The following HDLBP variants were observed in gnomAD, a reference collection of about 807,000 sequenced individuals.
HDLBP encodes the protein vigilin.
HDLBP carries 30 observed loss-of-function variants against 137.3 expected under a neutral mutation model. The ratio of observed to expected loss-of-function variants is 0.22; its 90% CI spans 0.16 to 0.30. The LOEUF (loss-of-function observed/expected upper bound fraction) is 0.30. HDLBP is among the 10% of genes least tolerant of loss of function. The probability of loss-of-function intolerance (pLI) is 1.00; values close to 1 mark genes in which losing one functional copy is unlikely to be tolerated. For missense variants in HDLBP, 1,119 were observed against 1,667.3 expected, an observed-to-expected ratio of 0.67 and a Z score of 5.73; for synonymous variants, 606 against 596.0, an observed-to-expected ratio of 1.02 and a Z score of -0.24.
intron 16 of HDLBP, among the ~76,000 whole-genome samples, chr2:241,245,738 G>A (rs1173467730): frequency 6.6e-6 from 1 of 152,120 alleles, no homozygotes; most frequent in African/African-American, 2.4e-5. Context: ...GAAAGCCAAG[G>A]CTGTAGTGAG....
intron 16 of HDLBP, 24 bp from the exon 17 acceptor site, chr2:241,242,702 G>A (rs1357790679): frequency 6.3e-7 from 1 of 1,594,104 alleles, no homozygotes; most frequent in Non-Finnish European, 8.6e-7. Flanking sequence ...CAGGGCAGGA[G>A]GAGGAAGTCA....
chr2:241,235,474 C>T lies in HDLBP; in HGVS notation c.3009+16G>A, dbSNP rs372876496. The T allele has an allele frequency of 3.6e-5, 58 of 1,601,276 alleles. No individual in the cohort carries two copies. Among genetic ancestry groups the T allele is most frequent in the East Asian group, 1.8e-4 (8 of 44,850 alleles). On this transcript the variant is annotated intron_variant, in intron 22 of 27. Coordinates refer to ENST00000310931, the MANE Select transcript of HDLBP (RefSeq NM_005336.6). ...AGGCCACTCCTGTGACATGGCCTCC[C>T]GGGAAAGGGGTCTACCTCAAACTCA...
intron 1 of HDLBP, chr2:241,271,017 ACCCCTGCATGGCT>A: frequency 1.0e-6 from 1 of 985,280 alleles, no homozygotes; most frequent in Non-Finnish European, 1.2e-6. Flanking sequence ...GCCCGGGTCC[ACCCCTGCATGGCT>A]GTAAACGCTC....
chr2:241,314,976 G>A (rs1205295215), intron 1 of HDLBP: 2 of 152,128 alleles, frequency 1.3e-5, no homozygotes, highest in Admixed American at 6.5e-5. Context: ...ACCCCGGGCC[G>A]GGGCACAACC....
Position 241,313,531 on chromosome 2 carries a change from G to T in HDLBP, c.-103+2039C>A, listed in dbSNP as rs1318693247. On this transcript the variant is annotated intron_variant, in intron 1 of 27. Coordinates refer to ENST00000310931, the MANE Select transcript of HDLBP (RefSeq NM_005336.6). ...CTGACCTCAAGTGTCCACCCGCCTC[G>T]ACCTCCCAAAGTGCTGGGATTACAA... Among the ~76,000 whole-genome samples the T allele has an allele frequency of 2.0e-5, 3 of 152,206 alleles. No homozygotes were observed. In the East Asian group the frequency reaches 5.8e-4, roughly 29 times the overall value.
chr2:241,288,249 T>A (rs925484058), intron 1 of HDLBP, among the ~76,000 whole-genome samples: 1 of 152,168 alleles, frequency 6.6e-6, no homozygotes, highest in African/African-American at 2.4e-5. Context: ...GAATTAAAAT[T>A]TTTTTTTGTT....
chr2:241,267,793 T>G, intron 2 of HDLBP: 35 of 1,486,836 alleles, frequency 2.4e-5, no homozygotes, highest in Non-Finnish European at 3.1e-5. Context: ...TGATCCACAC[T>G]GACTGGTTAT....
chr2:241,245,093 C>T (rs1394105745), intron 16 of HDLBP, among the ~76,000 whole-genome samples: 5 of 151,942 alleles, frequency 3.3e-5, no homozygotes, highest in East Asian at 1.9e-4. Context: ...GTTATTTAAC[C>T]GTGTTTGTTA....
intron 1 of HDLBP, chr2:241,315,144 G>C (rs1575079445): frequency 1.3e-5 from 2 of 152,242 alleles, no homozygotes; most frequent in East Asian, 3.9e-4. Context: ...GGCCGCGCCA[G>C]CTCCGCCCTC....
intron 1 of HDLBP, among the ~76,000 whole-genome samples, chr2:241,304,472 C>T (rs1246047608): frequency 6.6e-6 from 1 of 152,236 alleles, no homozygotes; most frequent in African/African-American, 2.4e-5. Flanking sequence ...CCGAAGGCAG[C>T]CACAGATGGA....
intron 1 of HDLBP, among the ~76,000 whole-genome samples, chr2:241,281,071 G>C (rs1483771632): frequency 6.6e-6 from 1 of 152,120 alleles, no homozygotes; most frequent in Non-Finnish European, 1.5e-5. Flanking sequence ...TAATAAGATG[G>C]GGGGCTGGGC....
At chr2:241,241,761 T>C (rs573117872) in intron 17 of HDLBP, among the ~76,000 whole-genome samples, 148 of 152,160 alleles carry the variant, frequency 9.7e-4, no homozygotes, top group African/African-American at 3.4e-3. Flanking sequence ...AGTAGTTAGA[T>C]CTGTTAAGTC....
In HDLBP at chr2:241,238,578, T is replaced by A. The variant is rs1264856692; in HGVS notation, c.2749+71A>T. On this transcript the variant is annotated intron_variant, in intron 20 of 27. Coordinates refer to ENST00000310931, the MANE Select transcript of HDLBP (RefSeq NM_005336.6). This position sits in a 1 kb window ranked among gnomAD's most constrained non-coding sequence, Gnocchi z 4.9. ...GACAGGAAAGAGCCTCACCAGTATG[T>A]GCGACAGCCCCGCCTCTCACATGGG... is the stretch of plus-strand genomic sequence containing the variant. The A allele has an allele frequency of 4.9e-6, 6 of 1,227,360 alleles. No individual in the cohort carries two copies. The highest frequency in any genetic ancestry group is 3.1e-5 in the African/African-American group (2 of 65,420). The allele number at this position is 1,227,360 out of a possible 1,614,324, so 76.0% of individuals were successfully genotyped here.
chr2:241,248,551 C>T (rs1456724144), intron 12 of HDLBP, among the ~76,000 whole-genome samples: 1 of 152,078 alleles, frequency 6.6e-6, no homozygotes, highest in Non-Finnish European at 1.5e-5. Flanking sequence ...CACCAAGCAT[C>T]GCTACACTCC....
At chr2:241,279,947 C>G in intron 1 of HDLBP, 2 of 985,406 alleles carry the variant, frequency 2.0e-6, no homozygotes, top group Non-Finnish European at 2.4e-6. Flanking sequence ...TATCACCTGA[C>G]AGGAACCCGC....
intron 16 of HDLBP, 115 bp from the exon 17 acceptor site, chr2:241,242,793 A>C (rs1266658119): frequency 7.6e-6 from 7 of 915,616 alleles, no homozygotes; most frequent in Non-Finnish European, 1.2e-5. Context: ...AGAGCCCTGG[A>C]GATGCCACTT....
chr2:241,267,523 GGA>G, intron 2 of HDLBP: 1 of 1,489,670 alleles, frequency 6.7e-7, no homozygotes, highest in Non-Finnish European at 9.0e-7. Context: ...ATCAACACCA[GGA>G]TCGTTCTCCT....
chr2:241,253,582 C>A (rs2072375763), intron 9 of HDLBP, 85 bp from the exon 10 acceptor site: 1 of 903,330 alleles, frequency 1.1e-6, no homozygotes, highest in Non-Finnish European at 1.8e-6. Flanking sequence ...CTCTTCGGAG[C>A]GGCTTCTGAT....
Position 241,272,593 on chromosome 2 carries a change from C to T in HDLBP, c.-102-4052G>A. The T allele has an allele frequency of 1.2e-5, 12 of 983,850 alleles. No homozygotes were observed. The highest frequency in any genetic ancestry group is 1.4e-5 in the Non-Finnish European group (12 of 829,222). The allele number at this position is 983,850 out of a possible 1,614,324, so 60.9% of individuals were successfully genotyped here. On this transcript the variant is annotated intron_variant, in intron 1 of 27. Coordinates refer to ENST00000310931, the MANE Select transcript of HDLBP (RefSeq NM_005336.6). The surrounding 1 kb of genome is among the most constrained non-coding windows in gnomAD (Gnocchi z 5.6). ...CCGCCACGCGCGGTAAGCAGGACAC[C>T]CGCGGGCGGGGGCCGCAGCCTGGGG...
Sources: gnomAD v4.1 joint callset for allele counts (sites outside exome capture counted in the v4.1 genomes callset) on GRCh38, gnomAD v4.1.1 for gene constraint, Gnocchi (gnomAD v3.1) non-coding constraint, MANE v1.5 for transcripts, NCBI Gene and HGNC (gene_info 2026-07-23, HGNC 2026-07-21) for gene names.